SLC35F1: variants seen among roughly 807,000 people sequenced by gnomAD.
SLC35F1 encodes the protein chromosome 6 open reading frame 169.
SLC35F1 carries 14 observed loss-of-function variants against 48.7 expected under a neutral mutation model. The ratio of observed to expected loss-of-function variants is 0.29; its 90% CI spans 0.19 to 0.45. SLC35F1 has a LOEUF of 0.45. SLC35F1 is among the 20% of genes least tolerant of loss of function. The pLI is 1.00. For synonymous variants in SLC35F1, 190 were observed against 202.2 expected (o/e 0.94, Z 0.51); for missense variants, 404 against 500.0 (o/e 0.81, Z 1.83).
At chr6:118,100,269 A>G (rs1582666200) in intron 1 of SLC35F1, among the ~76,000 whole-genome samples, 1 of 152,078 alleles carries the variant, frequency 6.6e-6, no homozygotes, top group East Asian at 1.9e-4. Context: ...CCTCAATAAA[A>G]TGGTCCCTGA....
intron 2 of SLC35F1, among the ~76,000 whole-genome samples, chr6:118,169,822 T>C (rs1406596739): frequency 6.6e-6 from 1 of 152,282 alleles, no homozygotes; most frequent in East Asian, 1.9e-4. Flanking sequence ...TCTATTGAAA[T>C]CAAATCAACA....
At chr6:117,908,556 A>G (rs1351965228) in intron 1 of SLC35F1, among the ~76,000 whole-genome samples, 2 of 152,204 alleles carry the variant, frequency 1.3e-5, no homozygotes, top group African/African-American at 2.4e-5. Context: ...GGCGGCGCCC[A>G]GTTATTCCGA....
In SLC35F1 at chr6:118,008,728, T is replaced by G. The variant is rs1021252348; in HGVS notation, c.173+100829T>G. ...TGCTAGTGACAGACCAGATTAGACCTAAGCAGATGGTCAGTGACAACTGCA... is the reference window on the plus strand; with the variant it reads ...TGCTAGTGACAGACCAGATTAGACCGAAGCAGATGGTCAGTGACAACTGCA... On this transcript the variant is annotated intron_variant, in intron 1 of 7. Transcript: ENST00000360388. Among the ~76,000 whole-genome samples the G allele has an allele frequency of 4.6e-5, 7 of 152,228 alleles. No homozygotes were observed. The South Asian group carries it at 8.3e-4, about 18-fold the overall frequency.
chr6:118,244,097 TG>T (rs1166148316), intron 3 of SLC35F1, among the ~76,000 whole-genome samples: 3 of 152,244 alleles, frequency 2.0e-5, no homozygotes, highest in African/African-American at 7.2e-5. Flanking sequence ...TGTCCTGATA[TG>T]GGGCATAAAC....
chr6:118,039,354 G>A (rs371670975), intron 1 of SLC35F1, among the ~76,000 whole-genome samples: 2 of 151,982 alleles, frequency 1.3e-5, no homozygotes. Flanking sequence ...AGTCTGTTTG[G>A]TGTTCACTGA....
rs778072675 is a variant in SLC35F1 at position 118,314,228 on chromosome 6, G to A, written c.1203G>A (p.Glu401=). 5.6e-6 allele frequency: 9 copies of A among 1,614,208 alleles called. No individual in the cohort carries two copies. In the Middle Eastern group the frequency reaches 4.9e-4, roughly 89 times the overall value. ...CCAGCCTGGGCCAGGAGACCGAAGA[G>A]GAGCCTCATGTTCGTGTGGCCTAGG... ...TYTSLGQETE[E]EPHVRVA is the part of the protein sequence containing the mutation. Residue 401 remains glutamate (E), a synonymous_variant, in exon 8 of 8, where the codon GAG becomes GAA. Coordinates refer to ENST00000360388, the MANE Select transcript of SLC35F1 (RefSeq NM_001029858.4).
Position 117,945,165 on chromosome 6 carries a change from G to A in SLC35F1, c.173+37266G>A, listed in dbSNP as rs111691944. 3.6e-3 allele frequency among the ~76,000 whole-genome samples: 554 copies of A among 152,260 alleles called. 3 individuals are homozygous for A. Among genetic ancestry groups the A allele is most frequent in the African/African-American group, 0.01 (434 of 41,552 alleles). ...GCATTTGGAAAAGCTGTGGGGCTCC[G>A]AGGGCCAGTGCTGTCCCCATCCGTG... On this transcript the variant is annotated intron_variant, in intron 1 of 7. Coordinates refer to ENST00000360388, the MANE Select transcript of SLC35F1 (RefSeq NM_001029858.4).
In SLC35F1 at chr6:117,907,764, C is replaced by G; in HGVS notation, c.38C>G (p.Pro13Arg). Residue 13 changes from proline to arginine, a missense_variant, in exon 1 of 8, where the codon CCG becomes CGG. By Grantham distance (103) the Pro-to-Arg change is moderately radical. This residue lies in a region of SLC35F1 where 98 missense variants were observed against 81.0 expected (regional missense o/e 1.21). Coordinates refer to ENST00000360388, the MANE Select transcript of SLC35F1 (RefSeq NM_001029858.4). ...GAGCAGCCGCAGCAGCAGCTGCAGCCGCCGTCGCCAGCCCCGCCGAACCAT... is the reference window on the plus strand; with the variant it reads ...GAGCAGCCGCAGCAGCAGCTGCAGCGGCCGTCGCCAGCCCCGCCGAACCAT... ...PPEQPQQQLQPPSPAPPNHVV... is the reference protein window; with the variant it reads ...PPEQPQQQLQRPSPAPPNHVV... 6.4e-7 allele frequency: 1 copy of G among 1,560,064 alleles called. No individual in the cohort carries two copies.
chr6:118,054,952 T>G (rs1772443078), intron 1 of SLC35F1, among the ~76,000 whole-genome samples: 1 of 152,072 alleles, frequency 6.6e-6, no homozygotes, highest in Non-Finnish European at 1.5e-5. Context: ...AATTTTTGTG[T>G]TTTTAGTGGA....
At chr6:118,025,656 G>T (rs1312763104) in intron 1 of SLC35F1, among the ~76,000 whole-genome samples, 1 of 152,070 alleles carries the variant, frequency 6.6e-6, no homozygotes, top group Non-Finnish European at 1.5e-5. Context: ...GATATATTTT[G>T]TGAGGATAGA....
At chr6:118,053,850 A>G (rs930242198) in intron 1 of SLC35F1, among the ~76,000 whole-genome samples, 9 of 152,176 alleles carry the variant, frequency 5.9e-5, no homozygotes, top group Admixed American at 5.9e-4. Flanking sequence ...TTACTGGGTC[A>G]AAGAGCAAGA....
chr6:118,223,261 C>G (rs1264659773), intron 2 of SLC35F1, among the ~76,000 whole-genome samples: 1 of 152,212 alleles, frequency 6.6e-6, no homozygotes, highest in Non-Finnish European at 1.5e-5. Context: ...AACTTAACCT[C>G]TTCCACATCC....
chr6:118,162,680 T>A (rs1774254747), intron 2 of SLC35F1, among the ~76,000 whole-genome samples: 1 of 152,240 alleles, frequency 6.6e-6, no homozygotes, highest in Non-Finnish European at 1.5e-5. Flanking sequence ...TAGGACATGC[T>A]GGTAAAACTT....
chr6:118,110,034 G>A (rs1177674105), intron 1 of SLC35F1, among the ~76,000 whole-genome samples: 6 of 152,066 alleles, frequency 3.9e-5, no homozygotes, highest in Non-Finnish European at 7.4e-5. Context: ...GATACATCAC[G>A]GTAAGTCTTA....
intron 1 of SLC35F1, among the ~76,000 whole-genome samples, chr6:118,036,903 G>A (rs1262966417): frequency 6.6e-6 from 1 of 152,178 alleles, no homozygotes; most frequent in Non-Finnish European, 1.5e-5. Flanking sequence ...TTCTGAAAGA[G>A]GGGTGTTATG....
At chr6:117,943,357 A>G (rs905491195) in intron 1 of SLC35F1, among the ~76,000 whole-genome samples, 9 of 152,228 alleles carry the variant, frequency 5.9e-5, no homozygotes, top group African/African-American at 2.2e-4. Context: ...GGCAGGTGAC[A>G]CAATCATCTC....
chr6:118,133,066 A>G (rs2114426201), intron 1 of SLC35F1, among the ~76,000 whole-genome samples: 1 of 152,262 alleles, frequency 6.6e-6, no homozygotes, highest in African/African-American at 2.4e-5. Context: ...TGTGTCTGGA[A>G]AGGCTCTAAC....
intron 2 of SLC35F1, among the ~76,000 whole-genome samples, chr6:118,199,761 T>C (rs1202186542): frequency 1.3e-5 from 2 of 152,192 alleles, no homozygotes; most frequent in African/African-American, 4.8e-5. Flanking sequence ...TTATTTGCAT[T>C]ACTGTGAGTT....
intron 3 of SLC35F1, among the ~76,000 whole-genome samples, chr6:118,241,599 G>A (rs1055812068): frequency 4.6e-5 from 7 of 151,900 alleles, no homozygotes; most frequent in African/African-American, 1.7e-4. Flanking sequence ...GTGTGTGTGT[G>A]TGTGTGTGTC....
Sources: allele counts gnomAD v4.1 joint callset (sites outside exome capture counted in the v4.1 genomes callset), GRCh38; gene constraint gnomAD v4.1.1; regional missense constraint gnomAD v4.1.1; transcripts MANE v1.5; gene names NCBI Gene and HGNC (gene_info 2026-07-23, HGNC 2026-07-21).